The following USP34 variants were observed in gnomAD, a reference collection of about 807,000 sequenced individuals.
USP34 encodes the protein ubiquitin carboxyl-terminal hydrolase 34.
USP34 carries 70 observed loss-of-function variants against 460.3 expected under a neutral mutation model. The ratio of observed to expected loss-of-function variants is 0.15; its 90% CI spans 0.13 to 0.19. USP34 has a LOEUF of 0.19. Among genes scored for constraint, USP34 ranks in the 10% least tolerant of loss-of-function variants. The pLI, the probability that USP34 is intolerant of heterozygous loss-of-function variation, is 1.00. For synonymous variants in USP34, 1,647 were observed against 1,405.3 expected (o/e 1.17, Z -3.85); for missense variants, 3,985 against 4,236.2 (o/e 0.94, Z 1.65).
At chr2:61,442,303 G>A (rs566436256) in intron 1 of USP34, among the ~76,000 whole-genome samples, 1 of 149,582 alleles carries the variant, frequency 6.7e-6, no homozygotes, top group Non-Finnish European at 1.5e-5. Flanking sequence ...AAAATCAACA[G>A]AGTAAAAAAA....
chr2:61,324,585 C>T (rs1269567004), intron 21 of USP34, among the ~76,000 whole-genome samples: 2 of 152,004 alleles, frequency 1.3e-5, no homozygotes, highest in African/African-American at 2.4e-5. Context: ...CCAGCCTGGG[C>T]AACACAGTGA....
At chr2:61,282,036 C>A (rs1274014100) in intron 37 of USP34, among the ~76,000 whole-genome samples, 2 of 152,198 alleles carry the variant, frequency 1.3e-5, no homozygotes, top group Non-Finnish European at 2.9e-5. Context: ...GTCTTCCAGG[C>A]TGGAGTGCAG....
chr2:61,381,328 G>A (rs1280703935), intron 6 of USP34, among the ~76,000 whole-genome samples: 2 of 151,586 alleles, frequency 1.3e-5, no homozygotes, highest in Non-Finnish European at 2.9e-5. Flanking sequence ...AATGATAAAT[G>A]GCTGTTGTTT....
At chr2:61,395,354 T>C in intron 3 of USP34, 121 bp from the exon 4 acceptor site, 1 of 644,226 alleles carries the variant, frequency 1.6e-6, no homozygotes, top group African/African-American at 1.9e-5. Context: ...CAATTACTCC[T>C]GATAAGCAGT....
At chr2:61,291,220 C>A (rs544966912) in intron 33 of USP34, among the ~76,000 whole-genome samples, 2 of 152,072 alleles carry the variant, frequency 1.3e-5, no homozygotes, top group South Asian at 4.2e-4. Flanking sequence ...CATTAGTCAC[C>A]AAGGAAATGC....
In USP34 at chr2:61,284,939, G is replaced by C. The variant is rs1689643811; in HGVS notation, c.4768C>G (p.Gln1590Glu). Residue 1590 changes from glutamine to glutamate, a missense_variant, in exon 35 of 80, where the codon CAA becomes GAA. Transcript: ENST00000398571. Reference protein sequence around the residue: ...RLTEVFLVLVQGTSLIQRLMS... With the variant: ...RLTEVFLVLVEGTSLIQRLMS... ...AGTCGCTGAATCAAACTGGTTCCTT[G>C]GACAAGAACAAGAAATACCTTTAAA... is the stretch of plus-strand genomic sequence containing the variant. 6.2e-7 allele frequency: 1 copy of C among 1,609,918 alleles called. No individual in the cohort carries two copies. Among genetic ancestry groups the C allele is most frequent in the Non-Finnish European group, 8.5e-7 (1 of 1,178,428 alleles).
At chr2:61,196,015 T>TCCTGC (rs1686793310) in intron 75 of USP34, among the ~76,000 whole-genome samples, 1 of 143,692 alleles carries the variant, frequency 7.0e-6, no homozygotes, top group Non-Finnish European at 1.5e-5. Context: ...CAAGCCGTTC[T>TCCTGC]CCCAGCTCAG....
intron 27 of USP34, among the ~76,000 whole-genome samples, chr2:61,303,441 A>G (rs1160303795): frequency 1.3e-5 from 2 of 152,182 alleles, no homozygotes; most frequent in Non-Finnish European, 2.9e-5. Context: ...CTCACAAATT[A>G]TAACTGAATA....
chr2:61,283,938 G>A (rs1488965289), intron 35 of USP34, among the ~76,000 whole-genome samples: 1 of 151,916 alleles, frequency 6.6e-6, no homozygotes, highest in Non-Finnish European at 1.5e-5. Context: ...GGTAGGGTAG[G>A]GTGGGGTGGG....
chr2:61,411,998 T>C (rs1030209999), intron 2 of USP34, among the ~76,000 whole-genome samples: 3 of 151,990 alleles, frequency 2.0e-5, no homozygotes, highest in Non-Finnish European at 2.9e-5. Flanking sequence ...GAGATCAGCC[T>C]GACCAACATG....
intron 1 of USP34, among the ~76,000 whole-genome samples, chr2:61,463,745 A>T (rs1381729829): frequency 6.6e-6 from 1 of 151,900 alleles, no homozygotes; most frequent in African/African-American, 2.4e-5. Context: ...GAGGCAGGAG[A>T]ATCGCTTGAA....
chr2:61,195,892 TA>T (rs1302543947), intron 75 of USP34, among the ~76,000 whole-genome samples: 1 of 151,870 alleles, frequency 6.6e-6, no homozygotes, highest in Non-Finnish European at 1.5e-5. Flanking sequence ...CCCCCCAAAG[TA>T]AAATAATCTT....
chr2:61,363,107 G>A (rs1325186970), intron 10 of USP34, among the ~76,000 whole-genome samples: 2 of 152,144 alleles, frequency 1.3e-5, no homozygotes, highest in East Asian at 3.8e-4. Context: ...AGGAAAGCAT[G>A]TTCAATATAA....
At chr2:61,444,556 T>G (rs185526281) in intron 1 of USP34, among the ~76,000 whole-genome samples, 119 of 152,286 alleles carry the variant, frequency 7.8e-4, no homozygotes, top group Non-Finnish European at 8.5e-4. Flanking sequence ...AAACTCACAT[T>G]CAAGAAGCAC....
At chr2:61,206,356 T>C (rs1345603046) in intron 71 of USP34, among the ~76,000 whole-genome samples, 4 of 152,254 alleles carry the variant, frequency 2.6e-5, no homozygotes, top group African/African-American at 9.6e-5. Flanking sequence ...GGAATGTATA[T>C]GAAGAAGTTC....
chr2:61,348,971 C>T (rs1691855758), intron 13 of USP34, 85 bp from the exon 14 acceptor site: 1 of 1,427,380 alleles, frequency 7.0e-7, no homozygotes, highest in Non-Finnish European at 9.3e-7. Flanking sequence ...GATTCCTTGA[C>T]CTAGTTACCA....
At chr2:61,299,003 C>CT (rs1157970050) in intron 29 of USP34, among the ~76,000 whole-genome samples, 1 of 152,100 alleles carries the variant, frequency 6.6e-6, no homozygotes, top group African/African-American at 2.4e-5. Context: ...TTTTGTCCCC[C>CT]TCCTCACATT....
intron 1 of USP34, among the ~76,000 whole-genome samples, chr2:61,464,910 A>G (rs1009066349): frequency 1.3e-5 from 2 of 152,122 alleles, no homozygotes; most frequent in African/African-American, 4.8e-5. Context: ...CTGGTTCACA[A>G]AAGTAACTAC....
Position 61,344,594 on chromosome 2 carries a change from G to A in USP34, c.2286-565C>T, listed in dbSNP as rs570520337. On this transcript the variant is annotated intron_variant, in intron 15 of 79. Transcript: ENST00000398571. ...TCACAAGTAGTACCATTAATACACA[G>A]AATATGAAAAGAGCTAAAATGAAAA... Among the ~76,000 whole-genome samples the A allele has an allele frequency of 1.4e-4, 22 of 152,288 alleles. No homozygotes were observed. The South Asian group carries it at 4.1e-3, about 29-fold the overall frequency.
Sources: gnomAD v4.1 joint callset for allele counts (sites outside exome capture counted in the v4.1 genomes callset) on GRCh38, gnomAD v4.1.1 for gene constraint, MANE v1.5 for transcripts, NCBI Gene and HGNC (gene_info 2026-07-23, HGNC 2026-07-21) for gene names.